NRXN3: variants seen among roughly 807,000 people sequenced by gnomAD.
NRXN3 encodes the protein neurexin 3.
NRXN3 carries 32 observed loss-of-function variants against 137.6 expected under a neutral mutation model. The observed-to-expected ratio is 0.23, with a 90% CI of 0.18 to 0.31. The LOEUF is 0.31. Ranked by LOEUF, NRXN3 falls within the 10% of genes least tolerant of loss-of-function variation. NRXN3 has a pLI of 1.00. For synonymous variants in NRXN3, 798 were observed against 784.5 expected (o/e 1.02, Z -0.29); for missense variants, 1,574 against 2,062.5 (o/e 0.76, Z 4.59).
At chr14:78,462,481 T>G (rs2094950706) in intron 4 of NRXN3, among the ~76,000 whole-genome samples, 1 of 152,156 alleles carries the variant, frequency 6.6e-6, no homozygotes, top group Admixed American at 6.5e-5. Flanking sequence ...TGAACTGACA[T>G]AAACTGCAAT....
intron 2 of NRXN3, among the ~76,000 whole-genome samples, chr14:78,252,994 GA>G (rs58148360): frequency 0.042 from 6,462 of 152,264 alleles, 431 homozygotes; most frequent in African/African-American, 0.15. Flanking sequence ...TTTCTTTCCA[GA>G]CGGGGCCCTG....
chr14:79,656,001 A>G (rs377581248), intron 16 of NRXN3, among the ~76,000 whole-genome samples: 15 of 152,316 alleles, frequency 9.8e-5, no homozygotes, highest in African/African-American at 3.4e-4. Flanking sequence ...TTACATGTCT[A>G]ATGAGTCCGC....
intron 16 of NRXN3, among the ~76,000 whole-genome samples, chr14:79,516,222 G>A (rs886114147): frequency 1.3e-5 from 2 of 152,172 alleles, no homozygotes; most frequent in South Asian, 2.1e-4. Flanking sequence ...CCTAAACAGC[G>A]CAAAGGCAAG....
intron 15 of NRXN3, among the ~76,000 whole-genome samples, chr14:79,248,307 C>A (rs1597794242): frequency 6.6e-6 from 1 of 152,176 alleles, no homozygotes; most frequent in Admixed American, 6.6e-5. Context: ...TAGCCATACC[C>A]CATGACTTAC....
chr14:78,429,181 A>G (rs1229286535), intron 4 of NRXN3, among the ~76,000 whole-genome samples: 3 of 152,000 alleles, frequency 2.0e-5, no homozygotes, highest in South Asian at 2.1e-4. Flanking sequence ...GGTTCAAGCA[A>G]TTCTCGTGCC....
Position 78,389,920 on chromosome 14 carries a change from A to C in NRXN3, c.757+92060A>C, listed in dbSNP as rs17107477. Among the ~76,000 whole-genome samples, 1,342 of 152,310 alleles carry C rather than the reference A, an allele frequency of 8.8e-3. 28 individuals are homozygous for C. The highest frequency in any genetic ancestry group is 0.05 in the Admixed American group (768 of 15,288). The stretch of plus-strand genomic sequence containing the variant: ...GATTTTTGCATAAAGTACTAAACAA[A>C]ATTACTTATATTTGCTTTCCAAAGT... On this transcript the variant is annotated intron_variant, in intron 4 of 20. Coordinates refer to ENST00000335750, the MANE Select transcript of NRXN3 (RefSeq NM_001330195.2).
intron 16 of NRXN3, among the ~76,000 whole-genome samples, chr14:79,654,680 T>G (rs1302175874): frequency 6.6e-6 from 1 of 152,200 alleles, no homozygotes; most frequent in Non-Finnish European, 1.5e-5. Context: ...CTAAACCGTA[T>G]TATCTGATGA....
chr14:78,244,260 T>G (rs546093875), intron 2 of NRXN3, among the ~76,000 whole-genome samples: 1 of 152,048 alleles, frequency 6.6e-6, no homozygotes, highest in East Asian at 1.9e-4. Context: ...TGAAACCCTG[T>G]CTCTACTAAA....
chr14:79,507,732 G>A (rs189661368), intron 16 of NRXN3, among the ~76,000 whole-genome samples: 43 of 152,234 alleles, frequency 2.8e-4, no homozygotes, highest in African/African-American at 9.9e-4. Context: ...ACTCTGCATC[G>A]TTGAATTTAT....
chr14:78,274,353 G>A (rs569168558), intron 2 of NRXN3, among the ~76,000 whole-genome samples: 6 of 152,278 alleles, frequency 3.9e-5, no homozygotes, highest in Non-Finnish European at 8.8e-5. Context: ...TCACATGGTG[G>A]CAGGAAGGAG....
Position 79,704,595 on chromosome 14 carries a change from C to G in NRXN3, c.4014+6658C>G, listed in dbSNP as rs894810173. On this transcript the variant is annotated intron_variant, in intron 19 of 20. Coordinates refer to ENST00000335750, the MANE Select transcript of NRXN3 (RefSeq NM_001330195.2). ...GGGCTCAACTAATATTGATTAACAG[C>G]CTTACATAATGTGAGGCTCCAGGGT... Among the ~76,000 whole-genome samples, 6 of 152,104 alleles carry G rather than the reference C, an allele frequency of 3.9e-5. No homozygotes were observed. The East Asian group carries it at 7.7e-4, about 20-fold the overall frequency.
intron 16 of NRXN3, among the ~76,000 whole-genome samples, chr14:79,606,017 A>C (rs555566118): frequency 1.1e-3 from 173 of 152,332 alleles, no homozygotes; most frequent in Non-Finnish European, 2.0e-3. Context: ...CTTGAACTCC[A>C]GGCTGTGGCT....
chr14:78,898,207 T>C (rs1273134492), intron 10 of NRXN3, among the ~76,000 whole-genome samples: 1 of 151,994 alleles, frequency 6.6e-6, no homozygotes, highest in East Asian at 1.9e-4. Context: ...ATTAAGTCCA[T>C]AGAAGTTAAA....
At chr14:79,289,576 C>T (rs554035772) in intron 15 of NRXN3, among the ~76,000 whole-genome samples, 6 of 152,062 alleles carry the variant, frequency 3.9e-5, no homozygotes, top group Admixed American at 1.3e-4. Context: ...GCCAAGATCA[C>T]GCCATTGCAC....
chr14:78,930,375 T>A (rs895799357), intron 10 of NRXN3, among the ~76,000 whole-genome samples: 11 of 152,226 alleles, frequency 7.2e-5, no homozygotes, highest in Non-Finnish European at 1.5e-4. Context: ...TGCTAAAATT[T>A]TGAAAAATTC....
chr14:78,423,633 C>T (rs965028156), intron 4 of NRXN3, among the ~76,000 whole-genome samples: 5 of 152,166 alleles, frequency 3.3e-5, no homozygotes, highest in African/African-American at 1.2e-4. Flanking sequence ...AGTAAAGTAG[C>T]CTTAGCTACA....
At chr14:78,571,542 G>T (rs2096889392) in intron 4 of NRXN3, among the ~76,000 whole-genome samples, 1 of 152,150 alleles carries the variant, frequency 6.6e-6, no homozygotes, top group Non-Finnish European at 1.5e-5. Context: ...GCTTGGCTAT[G>T]GTCTTCTCCA....
intron 16 of NRXN3, among the ~76,000 whole-genome samples, chr14:79,566,467 T>C (rs1332470100): frequency 3.3e-5 from 5 of 152,098 alleles, no homozygotes; most frequent in African/African-American, 9.7e-5. Context: ...CTAGAATTTC[T>C]ACTGACAAAG....
chr14:79,046,044 C>G (rs765132001), intron 15 of NRXN3, among the ~76,000 whole-genome samples: 22 of 152,088 alleles, frequency 1.4e-4, no homozygotes, highest in Non-Finnish European at 2.5e-4. Context: ...TCCAGGTACC[C>G]TGAAAATATG....
Sources: gnomAD v4.1 joint callset for allele counts (sites outside exome capture counted in the v4.1 genomes callset) on GRCh38, gnomAD v4.1.1 for gene constraint, MANE v1.5 for transcripts, NCBI Gene and HGNC (gene_info 2026-07-23, HGNC 2026-07-21) for gene names.